The following PIBF1 variants were observed in gnomAD, a reference collection of about 807,000 sequenced individuals.
The protein encoded by PIBF1 is progesterone-induced-blocking factor 1.
In PIBF1, 90 loss-of-function variants were observed where a neutral mutation model predicts 112.5. That is an observed-to-expected ratio of 0.80 (90% confidence interval 0.67 to 0.95). The LOEUF (loss-of-function observed/expected upper bound fraction) is 0.95. Among genes scored for constraint, PIBF1 ranks in the 40% least tolerant of loss-of-function variants. The probability of loss-of-function intolerance (pLI) is 0.00; values close to 1 mark genes in which losing one functional copy is unlikely to be tolerated. For synonymous variants in PIBF1, 301 were observed against 288.6 expected (o/e 1.04, Z -0.44); for missense variants, 915 against 852.3 (o/e 1.07, Z -0.92).
intron 10 of PIBF1, among the ~76,000 whole-genome samples, chr13:72,872,002 G>A (rs918060903): frequency 2.6e-5 from 4 of 152,070 alleles, no homozygotes; most frequent in Admixed American, 6.5e-5. Flanking sequence ...TATAAGTTAC[G>A]TTTAAGAGTA....
chr13:73,004,277 G>C (rs938598183), intron 17 of PIBF1, among the ~76,000 whole-genome samples: 2 of 152,092 alleles, frequency 1.3e-5, no homozygotes, highest in Admixed American at 1.3e-4. Flanking sequence ...GCTCACCTGA[G>C]ATCAGGAGTT....
At chr13:72,985,431 T>G (rs1290743128) in intron 16 of PIBF1, among the ~76,000 whole-genome samples, 1 of 148,728 alleles carries the variant, frequency 6.7e-6, no homozygotes, top group Non-Finnish European at 1.5e-5. Flanking sequence ...TCCCAGCTAC[T>G]TGGGAGGCTG....
chr13:72,793,502 C>T (rs1352206766), intron 3 of PIBF1, among the ~76,000 whole-genome samples: 1 of 152,124 alleles, frequency 6.6e-6, no homozygotes, highest in Non-Finnish European at 1.5e-5. Context: ...TGCATTTTTA[C>T]TGGGTTCGCA....
chr13:72,963,713 G>C (rs1428223673), intron 14 of PIBF1, among the ~76,000 whole-genome samples: 1 of 151,788 alleles, frequency 6.6e-6, no homozygotes, highest in Admixed American at 6.6e-5. Context: ...AGAATATATA[G>C]AGAACTCCTA....
intron 5 of PIBF1, among the ~76,000 whole-genome samples, chr13:72,809,773 A>G (rs2035920239): frequency 6.6e-6 from 1 of 151,990 alleles, no homozygotes; most frequent in East Asian, 1.9e-4. Context: ...TATTTTTAGT[A>G]GAGAGGGGTT....
chr13:72,924,451 A>G (rs1002254691), intron 13 of PIBF1, among the ~76,000 whole-genome samples: 1 of 152,090 alleles, frequency 6.6e-6, no homozygotes, highest in African/African-American at 2.4e-5. Context: ...CGCTATGCAC[A>G]TGTCTCACGC....
At chr13:73,015,524 A>C (rs2274912) in intron 17 of PIBF1, among the ~76,000 whole-genome samples, 1 of 152,066 alleles carries the variant, frequency 6.6e-6, no homozygotes, top group Non-Finnish European at 1.5e-5. Context: ...ATGAATATCT[A>C]TTATCTATAT....
At chr13:73,012,344 T>A (rs1374102782) in intron 17 of PIBF1, among the ~76,000 whole-genome samples, 1 of 151,552 alleles carries the variant, frequency 6.6e-6, no homozygotes, top group East Asian at 2.0e-4. Flanking sequence ...AAAGTGAGAC[T>A]CTGTCTCAGA....
chr13:72,784,349 G>C (rs920777290), intron 2 of PIBF1, among the ~76,000 whole-genome samples: 3 of 151,850 alleles, frequency 2.0e-5, no homozygotes, highest in Non-Finnish European at 2.9e-5. Flanking sequence ...GGGAGGCTGA[G>C]GCAGGAGAAT....
intron 16 of PIBF1, among the ~76,000 whole-genome samples, chr13:72,993,939 C>T (rs1236793786): frequency 1.3e-5 from 2 of 151,858 alleles, no homozygotes; most frequent in Non-Finnish European, 2.9e-5. Flanking sequence ...CTGGGTAACA[C>T]AGTCTCTACA....
chr13:72,810,078 C>T (rs1593942914), intron 5 of PIBF1, among the ~76,000 whole-genome samples: 1 of 152,098 alleles, frequency 6.6e-6, no homozygotes, highest in African/African-American at 2.4e-5. Flanking sequence ...TTAAAAGTGT[C>T]AGTAATGTAG....
At chr13:72,818,299 C>G (rs544329527) in intron 5 of PIBF1, among the ~76,000 whole-genome samples, 77 of 152,250 alleles carry the variant, frequency 5.1e-4, no homozygotes, top group Non-Finnish European at 7.5e-4. Context: ...GGACATTCCT[C>G]TTTGTTTAAT....
intron 10 of PIBF1, among the ~76,000 whole-genome samples, chr13:72,855,548 C>G (rs2038384056): frequency 6.6e-6 from 1 of 152,044 alleles, no homozygotes; most frequent in East Asian, 1.9e-4. Context: ...ACTCAGAAGG[C>G]TGAGGCACGA....
At chr13:72,990,213 C>CAAAAA (rs34873893) in intron 16 of PIBF1, among the ~76,000 whole-genome samples, 4 of 52,712 alleles carry the variant, frequency 7.6e-5, no homozygotes, top group Admixed American at 2.2e-4. Context: ...GACTCTGTCT[C>CAAAAA]AAAAAAAAAA....
At chr13:72,847,257 A>G (rs2037917811) in intron 9 of PIBF1, among the ~76,000 whole-genome samples, 1 of 152,230 alleles carries the variant, frequency 6.6e-6, no homozygotes, top group Non-Finnish European at 1.5e-5. Context: ...GAAACAAACA[A>G]AAATCTGCTT....
At chr13:72,829,861 A>G (rs2037013623) in intron 8 of PIBF1, among the ~76,000 whole-genome samples, 1 of 152,142 alleles carries the variant, frequency 6.6e-6, no homozygotes, top group Non-Finnish European at 1.5e-5. Context: ...TGTATAAATT[A>G]CTTTGGGCAG....
intron 9 of PIBF1, among the ~76,000 whole-genome samples, chr13:72,849,952 G>A (rs1448031563): frequency 6.6e-6 from 1 of 152,188 alleles, no homozygotes; most frequent in Non-Finnish European, 1.5e-5. Context: ...TGCTTAGGAC[G>A]GCTTCTGGCA....
At chr13:72,813,242 AAGG>A (rs1392050072) in intron 5 of PIBF1, among the ~76,000 whole-genome samples, 4 of 152,202 alleles carry the variant, frequency 2.6e-5, no homozygotes, top group Non-Finnish European at 5.9e-5. Context: ...GCTTAGTTGA[AAGG>A]AGGAAGTAAA....
At chr13:72,933,339 C>T (rs1278183118) in intron 14 of PIBF1, among the ~76,000 whole-genome samples, 1 of 152,166 alleles carries the variant, frequency 6.6e-6, no homozygotes, top group Non-Finnish European at 1.5e-5. Flanking sequence ...GAGTTTGAGC[C>T]TTGGCTACAA....
Sources: allele counts gnomAD v4.1 joint callset (sites outside exome capture counted in the v4.1 genomes callset), GRCh38; gene constraint gnomAD v4.1.1; transcripts MANE v1.5; gene names NCBI Gene and HGNC (gene_info 2026-07-23, HGNC 2026-07-21).